ULK4: variants seen among roughly 807,000 people sequenced by gnomAD.
ULK4 encodes unc-51 like kinase 4.
In ULK4, 133 loss-of-function variants were observed where a neutral mutation model predicts 160.6. The observed-to-expected ratio is 0.83, with a 90% CI of 0.72 to 0.96. ULK4 has a LOEUF of 0.96. Among genes scored for constraint, ULK4 ranks in the 40% least tolerant of loss-of-function variants. ULK4 has a pLI of 0.00. For missense variants in ULK4, 1,580 were observed against 1,499.5 expected (o/e 1.05, Z -0.89); for synonymous variants, 534 against 539.8 (o/e 0.99, Z 0.15).
At chr3:41,889,160 T>A (rs777402867) in intron 16 of ULK4, among the ~76,000 whole-genome samples, 13 of 152,196 alleles carry the variant, frequency 8.5e-5, no homozygotes, top group Non-Finnish European at 1.6e-4. Flanking sequence ...TGTTCCCTTT[T>A]TTTCAAAGTC....
Position 41,931,751 on chromosome 3 carries a change from G to A in ULK4, c.541+93C>T, listed in dbSNP as rs959240692. On this transcript the variant is annotated intron_variant, in intron 5 of 36. Coordinates refer to ENST00000301831, the MANE Select transcript of ULK4 (RefSeq NM_017886.4). ...ACCATTTTCAATATCTTATTTGAGT[G>A]GCAAAACAAAAGACTGACATTGTCT... 10 of 1,445,406 alleles carry A rather than the reference G, an allele frequency of 6.9e-6. No individual in the cohort carries two copies. In the African/African-American group the frequency reaches 1.3e-4, roughly 18 times the overall value. 89.5% of individuals were successfully genotyped at this position (1,445,406 alleles called of 1,614,324 possible).
At chr3:41,813,896 A>G (rs2040887929) in intron 19 of ULK4, among the ~76,000 whole-genome samples, 1 of 152,204 alleles carries the variant, frequency 6.6e-6, no homozygotes, top group Non-Finnish European at 1.5e-5. Context: ...AACTTTCTGA[A>G]TGCCATTATT....
At chr3:41,882,286 G>A (rs766917696) in intron 17 of ULK4, 1 of 702,976 alleles carries the variant, frequency 1.4e-6, no homozygotes, top group South Asian at 1.5e-5. Flanking sequence ...GTAGTCTAGT[G>A]TGGAAAGAGA....
chr3:41,946,626 TCA>T (rs1700119431), intron 2 of ULK4, among the ~76,000 whole-genome samples: 1 of 152,234 alleles, frequency 6.6e-6, no homozygotes, highest in African/African-American at 2.4e-5. Flanking sequence ...TGGAAAGGCA[TCA>T]GTTTACCAAC....
At chr3:41,630,043 C>T (rs2033682587) in intron 30 of ULK4, among the ~76,000 whole-genome samples, 3 of 152,162 alleles carry the variant, frequency 2.0e-5, no homozygotes, top group Admixed American at 2.0e-4. Context: ...ACCAGAGAGA[C>T]CTGTTAATAG....
intron 17 of ULK4, among the ~76,000 whole-genome samples, chr3:41,837,825 T>C (rs2041804501): frequency 6.6e-6 from 1 of 152,204 alleles, no homozygotes; most frequent in African/African-American, 2.4e-5. Context: ...CCTCCCAAAG[T>C]GCTGGGATTA....
At chr3:41,287,230 G>A (rs2125699718) in intron 35 of ULK4, among the ~76,000 whole-genome samples, 1 of 152,286 alleles carries the variant, frequency 6.6e-6, no homozygotes, top group South Asian at 2.1e-4. Flanking sequence ...GAGAGTTACT[G>A]AGCAGGCAAG....
chr3:41,858,154 T>G (rs866932570), intron 17 of ULK4, among the ~76,000 whole-genome samples: 2,196 of 131,268 alleles, frequency 0.017, 62 homozygotes, highest in African/African-American at 0.074. Flanking sequence ...TTTGTTTTTT[T>G]TTTTTTTTTT....
In ULK4 at chr3:41,954,566, C is replaced by T. The variant is rs1344576038; in HGVS notation, c.138+56G>A. The T allele has an allele frequency of 3.8e-6, 6 of 1,561,994 alleles. No individual in the cohort carries two copies. The Admixed American group carries it at 1.2e-4, about 30-fold the overall frequency. Reference sequence around the variant, plus strand: ...ATGACTACTGTGAAAATGCTACCCCCTTCTACCTATTGTAGCTCTCTCTTT... The same window carrying T: ...ATGACTACTGTGAAAATGCTACCCCTTTCTACCTATTGTAGCTCTCTCTTT... On this transcript the variant is annotated intron_variant, in intron 2 of 36. Coordinates refer to ENST00000301831, the MANE Select transcript of ULK4 (RefSeq NM_017886.4).
In ULK4 at chr3:41,806,023, CT is replaced by C. The variant is rs1227810959; in HGVS notation, c.1849-5731del. Among the ~76,000 whole-genome samples, 15 of 143,680 alleles carry C rather than the reference CT, an allele frequency of 1.0e-4. 1 individual carries two copies. Among genetic ancestry groups the C allele is most frequent in the African/African-American group, 3.7e-4 (14 of 38,038 alleles). The allele number at this position is 143,680 out of a possible 152,430, so 94.3% of individuals were successfully genotyped here. On this transcript the variant is annotated intron_variant, in intron 19 of 36. Coordinates refer to ENST00000301831, the MANE Select transcript of ULK4 (RefSeq NM_017886.4). ...TAAAATGAGTTAGGGAGGATTCCCT[CT>C]TTTTCTATTGATTGGAATAGTTTCA...
At chr3:41,543,075 C>T (rs1260739676) in intron 32 of ULK4, among the ~76,000 whole-genome samples, 1 of 151,964 alleles carries the variant, frequency 6.6e-6, no homozygotes, top group African/African-American at 2.4e-5. Flanking sequence ...TTGCCCAAAG[C>T]AAGTAATATT....
chr3:41,828,626 A>C (rs918372846), intron 18 of ULK4, among the ~76,000 whole-genome samples: 4 of 147,242 alleles, frequency 2.7e-5, no homozygotes, highest in Non-Finnish European at 5.9e-5. Context: ...CTAGAAACCA[A>C]TGCTCAATGA....
intron 35 of ULK4, among the ~76,000 whole-genome samples, chr3:41,296,071 T>C (rs9818289): frequency 0.17 from 26,608 of 152,082 alleles, 2,937 homozygotes; most frequent in African/African-American, 0.31. Context: ...TACTCAGCGC[T>C]AAAAAGAAAG....
In ULK4 at chr3:41,681,557, C is replaced by G; in HGVS notation, c.2929G>C (p.Asp977His). Residue 977 changes from aspartate to histidine, a missense_variant, in exon 29 of 37, where the codon GAT becomes CAT. Physicochemically the swap from Asp to His is moderately conservative, Grantham distance 81. Transcript: ENST00000301831. The stretch of plus-strand genomic sequence containing the variant: ...AGAGCCAGAAGATTGCTGTCAGAAT[C>G]AACACTGGCCTTCTCCTTGCCATCC... ...FGDGKEKASV[D>H]SDSNLLALIR... 1 of 1,613,944 alleles carries G rather than the reference C, an allele frequency of 6.2e-7. No homozygotes were observed.
intron 35 of ULK4, among the ~76,000 whole-genome samples, chr3:41,386,503 G>C (rs1485769910): frequency 6.6e-6 from 1 of 152,116 alleles, no homozygotes; most frequent in Non-Finnish European, 1.5e-5. Context: ...AGAAATGTTT[G>C]AATCACTTGA....
At chr3:41,824,679 G>C (rs1287454997) in intron 18 of ULK4, among the ~76,000 whole-genome samples, 1 of 152,148 alleles carries the variant, frequency 6.6e-6, no homozygotes, top group Non-Finnish European at 1.5e-5. Flanking sequence ...AGCTCGAACT[G>C]GGTGGAGCCC....
At chr3:41,951,450 A>G (rs1333517816) in intron 2 of ULK4, among the ~76,000 whole-genome samples, 1 of 152,086 alleles carries the variant, frequency 6.6e-6, no homozygotes, top group African/African-American at 2.4e-5. Flanking sequence ...AAAGCTTACT[A>G]CAAAGCTACA....
intron 32 of ULK4, among the ~76,000 whole-genome samples, chr3:41,503,812 A>C (rs989313798): frequency 2.6e-5 from 4 of 152,180 alleles, no homozygotes; most frequent in African/African-American, 4.8e-5. Context: ...CTTCTGAAAA[A>C]ATCTGGATCT....
rs1348484719 is a variant in ULK4 at position 41,778,112 on chromosome 3, G to C, written c.2193+11549C>G. On this transcript the variant is annotated intron_variant, in intron 21 of 36. Coordinates refer to ENST00000301831, the MANE Select transcript of ULK4 (RefSeq NM_017886.4). ...CTGTCTCAGCCCAAAATCTCCTTAAGCTGATAAGCAACTTCAGCAAAGTCT... is the reference window on the plus strand; with the variant it reads ...CTGTCTCAGCCCAAAATCTCCTTAACCTGATAAGCAACTTCAGCAAAGTCT... 1.6e-5 allele frequency among the ~76,000 whole-genome samples: 2 copies of C among 125,230 alleles called. 1 individual carries two copies. Among genetic ancestry groups the C allele is most frequent in the African/African-American group, 7.9e-5 (2 of 25,182 alleles). 82.2% of individuals were successfully genotyped at this position (125,230 alleles called of 152,430 possible). A position where few individuals can be genotyped will look rare whatever the true frequency, so the allele number is the denominator to read the frequency against.
Sources: gnomAD v4.1 joint callset for allele counts (sites outside exome capture counted in the v4.1 genomes callset) on GRCh38, gnomAD v4.1.1 for gene constraint, MANE v1.5 for transcripts, NCBI Gene and HGNC (gene_info 2026-07-23, HGNC 2026-07-21) for gene names.